The following RSL24D1 variants were observed in gnomAD, a reference collection of about 807,000 sequenced individuals.
RSL24D1 encodes the protein probable ribosome biogenesis protein RLP24.
A neutral mutation model predicts 26.2 loss-of-function variants in RSL24D1; 6 were observed. The observed-to-expected ratio is 0.23, with a 90% CI of 0.13 to 0.45. RSL24D1 has a LOEUF of 0.45. Among genes scored for constraint, RSL24D1 ranks in the 20% least tolerant of loss-of-function variants. The pLI is 0.99. For missense variants in RSL24D1, 176 were observed against 202.6 expected (o/e 0.87, Z 0.80); for synonymous variants, 61 against 59.1 (o/e 1.03, Z -0.15).
chr15:55,186,750 T>C (rs541337376), intron 3 of RSL24D1, among the ~76,000 whole-genome samples: 41 of 152,286 alleles, frequency 2.7e-4, no homozygotes, highest in South Asian at 6.2e-4. Context: ...TAGGTAATAA[T>C]AGTCTATCAA....
Position 55,181,017 on chromosome 15 carries a change from T to C in RSL24D1, c.*1135A>G, listed in dbSNP as rs1213327099. ...GACTGGTCTACAGCCTTAGTTTTACTATCTAATACTGAAACAAAAAATGAG... is the reference window on the plus strand; with the variant it reads ...GACTGGTCTACAGCCTTAGTTTTACCATCTAATACTGAAACAAAAAATGAG... On this transcript the variant is annotated 3_prime_UTR_variant, in exon 6 of 6. Transcript: ENST00000260443. The C allele has an allele frequency of 6.6e-6, 1 of 152,162 alleles. No homozygotes were observed. The highest frequency in any genetic ancestry group is 1.5e-5 in the Non-Finnish European group (1 of 68,038). 9.4% of individuals were successfully genotyped at this position (152,162 alleles called of 1,614,324 possible). A position where few individuals can be genotyped will look rare whatever the true frequency, so the allele number is the denominator to read the frequency against.
At chr15:55,189,297 A>G (rs562000818) in intron 3 of RSL24D1, among the ~76,000 whole-genome samples, 2 of 152,084 alleles carry the variant, frequency 1.3e-5, no homozygotes, top group African/African-American at 2.4e-5. Flanking sequence ...TAATCTCTTT[A>G]GAAATCCTTG....
At chr15:55,184,625 A>C (rs1894204617) in intron 4 of RSL24D1, among the ~76,000 whole-genome samples, 1 of 152,164 alleles carries the variant, frequency 6.6e-6, no homozygotes, top group Admixed American at 6.6e-5. Context: ...TTTTTACTGA[A>C]TCTCTATGTA....
At chr15:55,184,814 C>G (rs957360305) in intron 4 of RSL24D1, among the ~76,000 whole-genome samples, 1 of 152,120 alleles carries the variant, frequency 6.6e-6, no homozygotes, top group Non-Finnish European at 1.5e-5. Context: ...GACATCCCTG[C>G]CAAAGGTGCC....
chr15:55,192,842 A>G lies in RSL24D1; in HGVS notation c.82-9T>C, dbSNP rs2140596908. 3 of 1,581,054 alleles carry G rather than the reference A, an allele frequency of 1.9e-6. No individual in the cohort carries two copies. Among genetic ancestry groups the G allele is most frequent in the Non-Finnish European group, 2.6e-6 (3 of 1,151,132 alleles). On this transcript the variant is annotated splice_polypyrimidine_tract_variant and intron_variant, in intron 1 of 5. Coordinates refer to ENST00000260443, the MANE Select transcript of RSL24D1 (RefSeq NM_016304.3). ...TTGCAAAATCTGAACACCTACAAGA[A>G]AAGTTAAAATATTGAGAAGTCAACA...
intron 3 of RSL24D1, among the ~76,000 whole-genome samples, chr15:55,190,398 A>G (rs999129419): frequency 2.7e-5 from 4 of 148,950 alleles, no homozygotes; most frequent in African/African-American, 9.9e-5. Context: ...GGGAAAAAAA[A>G]CAAAACAAAA....
chr15:55,191,173 T>G (rs763679480), intron 2 of RSL24D1, 126 bp from the exon 3 acceptor site: 2 of 645,996 alleles, frequency 3.1e-6, no homozygotes, highest in Non-Finnish European at 5.1e-6. Context: ...CCCCTCAGGG[T>G]ATCTCAGAGA....
chr15:55,192,393 T>C, intron 2 of RSL24D1: 1 of 201,222 alleles, frequency 5.0e-6, no homozygotes, highest in Non-Finnish European at 1.0e-5. Flanking sequence ...GAGTCTATTA[T>C]AAACTTCACC....
rs113933212 is a variant in RSL24D1 at position 55,185,383 on chromosome 15, T to C, written c.311A>G (p.Gln104Arg). The C allele has an allele frequency of 6.2e-7, 1 of 1,608,602 alleles. No homozygotes were observed. The highest frequency in any genetic ancestry group is 1.3e-5 in the African/African-American group (1 of 74,746). Reference protein sequence around the residue: ...KRVEEIKQKRQAKFIMNRLKK... With the variant: ...KRVEEIKQKRRAKFIMNRLKK... ...ATACCTGTTCATTATAAATTTAGCT[T>C]GGCGCTTCTGTTTGATTTCTTCAAC... is the stretch of plus-strand genomic sequence containing the variant. Residue 104 changes from glutamine (Q) to arginine (R), a missense_variant, in exon 4 of 6, where the codon CAA becomes CGA. Physicochemically the swap from Gln to Arg is conservative, Grantham distance 43 (BLOSUM62 1). Coordinates refer to ENST00000260443, the MANE Select transcript of RSL24D1 (RefSeq NM_016304.3).
Position 55,183,361 on chromosome 15 carries a change from G to A in RSL24D1, c.372C>T (p.Ile124=), listed in dbSNP as rs776378558. ...GATGGATGTTTTGCTTGACTTCTTT[G>A]ATATCCTGAACTTTCTGTAGCTCTT... ...KNKELQKVQD[I]KEVKQNIHLI... Residue 124 remains isoleucine (I), a synonymous_variant, in exon 5 of 6, where the codon ATC becomes ATT. Coordinates refer to ENST00000260443, the MANE Select transcript of RSL24D1 (RefSeq NM_016304.3). The A allele has an allele frequency of 1.2e-6, 2 of 1,611,848 alleles. No individual in the cohort carries two copies. Among genetic ancestry groups the A allele is most frequent in the African/African-American group, 2.7e-5 (2 of 74,828 alleles).
At chr15:55,184,929 A>G (rs1894208200) in intron 4 of RSL24D1, among the ~76,000 whole-genome samples, 2 of 152,170 alleles carry the variant, frequency 1.3e-5, no homozygotes, top group South Asian at 4.1e-4. Flanking sequence ...CACGTAAAAG[A>G]AAGATGAGAA....
At chr15:55,184,049 T>C (rs181836802) in intron 4 of RSL24D1, among the ~76,000 whole-genome samples, 16 of 152,306 alleles carry the variant, frequency 1.1e-4, no homozygotes, top group South Asian at 6.2e-4. Context: ...TGATATTCAA[T>C]AGAAATGCTA....
At chr15:55,191,675 T>A (rs940102451) in intron 2 of RSL24D1, among the ~76,000 whole-genome samples, 4 of 152,232 alleles carry the variant, frequency 2.6e-5, no homozygotes, top group African/African-American at 9.6e-5. Flanking sequence ...ATGATCCTTT[T>A]AATCTTAAAA....
At chr15:55,192,129 A>G (rs1338828933) in intron 2 of RSL24D1, among the ~76,000 whole-genome samples, 2 of 152,170 alleles carry the variant, frequency 1.3e-5, no homozygotes, top group African/African-American at 4.8e-5. Context: ...ATGGATGGAG[A>G]GGACAGTTTA....
chr15:55,196,166 C>G (rs1595655018), intron 1 of RSL24D1, among the ~76,000 whole-genome samples: 1 of 152,308 alleles, frequency 6.6e-6, no homozygotes, highest in Middle Eastern at 3.4e-3. Context: ...GCCCAAGGCT[C>G]TATCATCATT....
At chr15:55,187,169 C>T (rs956537838) in intron 3 of RSL24D1, among the ~76,000 whole-genome samples, 8 of 152,142 alleles carry the variant, frequency 5.3e-5, no homozygotes, top group Non-Finnish European at 1.2e-4. Flanking sequence ...ATCTTTGAGA[C>T]CTCTAGTATT....
rs1046198430 is a variant in RSL24D1 at position 55,182,046 on chromosome 15, C to T, written c.*106G>A. The T allele has an allele frequency of 3.0e-6, 2 of 674,534 alleles. No individual in the cohort carries two copies. Among genetic ancestry groups the T allele is most frequent in the South Asian group, 1.9e-5 (1 of 53,600 alleles). 41.8% of individuals were successfully genotyped at this position (674,534 alleles called of 1,614,324 possible). ...CAATGCAGGAAAGATGTCTTTTAAT[C>T]GCTTTTCATTTAAGTGACCTTATGT... On this transcript the variant is annotated 3_prime_UTR_variant, in exon 6 of 6. Transcript: ENST00000260443.
rs1195674267 is a variant in RSL24D1 at position 55,181,420 on chromosome 15, A to C, written c.*732T>G. The C allele has an allele frequency of 6.6e-6, 1 of 152,664 alleles. No individual in the cohort carries two copies. Among genetic ancestry groups the C allele is most frequent in the Non-Finnish European group, 1.5e-5 (1 of 68,050 alleles). 9.5% of individuals were successfully genotyped at this position (152,664 alleles called of 1,614,324 possible). A position where few individuals can be genotyped will look rare whatever the true frequency, so the allele number is the denominator to read the frequency against. ...CTTTTTAAAAGAAAACCACATAACA[A>C]CTTTTAAAAGGCGCTGGGATTCCTC... On this transcript the variant is annotated 3_prime_UTR_variant, in exon 6 of 6. Coordinates refer to ENST00000260443, the MANE Select transcript of RSL24D1 (RefSeq NM_016304.3).
chr15:55,196,321 A>G (rs1334618628), intron 1 of RSL24D1: 1 of 456,666 alleles, frequency 2.2e-6, no homozygotes, highest in South Asian at 1.5e-5. Context: ...CTCTATGCTG[A>G]GTCTTTCCGT....
Sources: allele counts gnomAD v4.1 joint callset (sites outside exome capture counted in the v4.1 genomes callset), GRCh38; gene constraint gnomAD v4.1.1; transcripts MANE v1.5; gene names NCBI Gene and HGNC (gene_info 2026-07-23, HGNC 2026-07-21).